Variants in TNFRSF11A observed in about 807,000 individuals in gnomAD.
TNFRSF11A encodes the protein TNF receptor superfamily member 11a.
A neutral mutation model predicts 55.7 loss-of-function variants in TNFRSF11A; 32 were observed. The ratio of observed to expected loss-of-function variants is 0.57; its 90% CI spans 0.43 to 0.77. The LOEUF (loss-of-function observed/expected upper bound fraction) is 0.77. Ranked by LOEUF, TNFRSF11A falls within the 30% of genes least tolerant of loss-of-function variation. The probability of loss-of-function intolerance (pLI) is 0.00; values close to 1 mark genes in which losing one functional copy is unlikely to be tolerated. For synonymous variants in TNFRSF11A, 311 were observed against 331.0 expected (o/e 0.94, Z 0.65); for missense variants, 753 against 809.8 (o/e 0.93, Z 0.85).
intron 1 of TNFRSF11A, among the ~76,000 whole-genome samples, chr18:62,337,235 G>T (rs181930631): frequency 6.6e-6 from 1 of 152,154 alleles, no homozygotes; most frequent in African/African-American, 2.4e-5. Context: ...TGACAAAATG[G>T]TTAATATGGC....
intron 9 of TNFRSF11A, among the ~76,000 whole-genome samples, chr18:62,374,986 C>T (rs1835574328): frequency 6.6e-6 from 1 of 151,868 alleles, no homozygotes; most frequent in South Asian, 2.1e-4. Flanking sequence ...CTCATTGCAG[C>T]CTCCGTCCCC....
At chr18:62,355,422 G>A (rs1209290607) in intron 4 of TNFRSF11A, among the ~76,000 whole-genome samples, 3 of 151,990 alleles carry the variant, frequency 2.0e-5, no homozygotes, top group African/African-American at 4.8e-5. Context: ...GGATTACCGG[G>A]ATGCACCACC....
At chr18:62,333,821 G>C (rs2046190976) in intron 1 of TNFRSF11A, among the ~76,000 whole-genome samples, 1 of 152,122 alleles carries the variant, frequency 6.6e-6, no homozygotes, top group African/African-American at 2.4e-5. Context: ...GCATTTGTGG[G>C]GGTCTGTCTT....
At chr18:62,347,910 A>G (rs1182660821) in intron 1 of TNFRSF11A, among the ~76,000 whole-genome samples, 1 of 151,778 alleles carries the variant, frequency 6.6e-6, no homozygotes, top group Admixed American at 6.6e-5. Context: ...TCTAAAAAAA[A>G]AAACAAAAAA....
chr18:62,374,518 T>G (rs1480991973), intron 9 of TNFRSF11A, among the ~76,000 whole-genome samples: 2 of 152,264 alleles, frequency 1.3e-5, no homozygotes, highest in African/African-American at 4.8e-5. Flanking sequence ...TTTAGTTCTC[T>G]TCCTTGGAAG....
chr18:62,361,869 A>G, intron 7 of TNFRSF11A, 76 bp downstream of exon 7: 1 of 1,311,534 alleles, frequency 7.6e-7, no homozygotes, highest in East Asian at 2.3e-5. Context: ...GAAGTTGAGT[A>G]GATTGTCTAC....
chr18:62,347,636 G>A (rs2046402823), intron 1 of TNFRSF11A, among the ~76,000 whole-genome samples: 2 of 152,272 alleles, frequency 1.3e-5, no homozygotes, highest in South Asian at 4.1e-4. Flanking sequence ...AAGCAGGCCG[G>A]GCGTGGTGGC....
chr18:62,367,115 G>A (rs1281561896), intron 8 of TNFRSF11A, among the ~76,000 whole-genome samples: 1 of 152,232 alleles, frequency 6.6e-6, no homozygotes, highest in Non-Finnish European at 1.5e-5. Context: ...CTCCCAAAGT[G>A]CTGGGATTAT....
rs1909423803 is a variant in TNFRSF11A at position 62,358,282 on chromosome 18, C to T, written c.462C>T (p.Cys154=). The stretch of plus-strand genomic sequence containing the variant: ...ACAAGGACACAGTGTGCAAACCTTG[C>T]CTTGCAGGCTACTTCTCTGATGCCT... The part of the protein sequence containing the change: ...QLNKDTVCKP[C]LAGYFSDAFS... The change falls in exon 5 of 10, where the codon TGC becomes TGT. Residue 154 remains cysteine, a synonymous_variant. Coordinates refer to ENST00000586569, the MANE Select transcript of TNFRSF11A (RefSeq NM_003839.4). 6.2e-7 allele frequency: 1 copy of T among 1,611,372 alleles called. No homozygotes were observed. Among genetic ancestry groups the T allele is most frequent in the Non-Finnish European group, 8.5e-7 (1 of 1,179,138 alleles).
chr18:62,327,159 G>A (rs577464454), intron 1 of TNFRSF11A, among the ~76,000 whole-genome samples: 35 of 152,262 alleles, frequency 2.3e-4, no homozygotes, highest in African/African-American at 7.9e-4. Flanking sequence ...GAGCCTGTGT[G>A]GGCTGGTGTC....
chr18:62,351,234 C>G (rs2046467107), intron 3 of TNFRSF11A, among the ~76,000 whole-genome samples: 1 of 151,938 alleles, frequency 6.6e-6, no homozygotes, highest in Non-Finnish European at 1.5e-5. Context: ...AACTCCTGAC[C>G]TCAAGTGATG....
rs1911453215 is a variant in TNFRSF11A at position 62,383,685 on chromosome 18, T to G, written c.1568-1066T>G. Among the ~76,000 whole-genome samples, 1 of 152,154 alleles carries G rather than the reference T, an allele frequency of 6.6e-6. No homozygotes were observed. Among genetic ancestry groups the G allele is most frequent in the Non-Finnish European group, 1.5e-5 (1 of 68,030 alleles). ...TGCCTAACATTTGTTGGACTTTGTT[T>G]GTTTTTCAAAAGGCCCGTTGCTGAA... is the stretch of plus-strand genomic sequence containing the variant. On this transcript the variant is annotated intron_variant, in intron 9 of 9. Coordinates refer to ENST00000586569, the MANE Select transcript of TNFRSF11A (RefSeq NM_003839.4). The surrounding 1 kb of genome is among the most constrained non-coding windows in gnomAD (Gnocchi z 4.2).
rs1284918303 is a variant in TNFRSF11A at position 62,388,434 on chromosome 18, A to C, written c.*3400A>C. 1.3e-5 allele frequency: 2 copies of C among 152,372 alleles called. No individual in the cohort carries two copies. Among genetic ancestry groups the C allele is most frequent in the African/African-American group, 4.8e-5 (2 of 41,488 alleles). The allele number at this position is 152,372 out of a possible 1,614,324, so 9.4% of individuals were successfully genotyped here. On this transcript the variant is annotated 3_prime_UTR_variant, in exon 10 of 10. Transcript: ENST00000586569. ...CAGATCCAAGGGATGGGGGAGCAGC[A>C]TATCCCCCCATGGGAAGAGTTGCGG... is the stretch of plus-strand genomic sequence containing the variant.
In TNFRSF11A at chr18:62,386,441, C is replaced by T. The variant is rs1295386909; in HGVS notation, c.*1407C>T. 6.6e-6 allele frequency: 1 copy of T among 152,104 alleles called. No homozygotes were observed. Among genetic ancestry groups the T allele is most frequent in the African/African-American group, 2.4e-5 (1 of 41,416 alleles). 9.4% of individuals were successfully genotyped at this position (152,104 alleles called of 1,614,324 possible). ...TGTGAATTTAAGAAAACTTATTATC[C>T]TAAAGGTGCCTTTCTCTTGGCATCA... On this transcript the variant is annotated 3_prime_UTR_variant, in exon 10 of 10. Coordinates refer to ENST00000586569, the MANE Select transcript of TNFRSF11A (RefSeq NM_003839.4).
intron 1 of TNFRSF11A, among the ~76,000 whole-genome samples, chr18:62,340,923 C>T (rs948692044): frequency 3.3e-5 from 5 of 152,264 alleles, no homozygotes; most frequent in African/African-American, 1.2e-4. Context: ...AACACACCAT[C>T]TTGGTAGGCG....
chr18:62,390,011 A>G lies in TNFRSF11A; in HGVS notation c.*4977A>G, dbSNP rs1911934449. 6.6e-6 allele frequency: 1 copy of G among 152,238 alleles called. No individual in the cohort carries two copies. Among genetic ancestry groups the G allele is most frequent in the Non-Finnish European group, 1.5e-5 (1 of 68,044 alleles). 9.4% of individuals were successfully genotyped at this position (152,238 alleles called of 1,614,324 possible). ...GCTGGTTTGAGGATGACGTGAGATG[A>G]GAGACAACCAAGCACTCACTGGCAG... On this transcript the variant is annotated 3_prime_UTR_variant, in exon 10 of 10. Coordinates refer to ENST00000586569, the MANE Select transcript of TNFRSF11A (RefSeq NM_003839.4).
At chr18:62,331,640 CCA>C (rs1335477543) in intron 1 of TNFRSF11A, among the ~76,000 whole-genome samples, 21 of 152,164 alleles carry the variant, frequency 1.4e-4, no homozygotes, top group African/African-American at 4.8e-4. Context: ...CCAGTGATCC[CCA>C]GAGAGTCACA....
At position 62,337,730 on chromosome 18, in the gene TNFRSF11A, G is replaced by A. The variant is rs887702970; in HGVS notation, c.76-10438G>A. On this transcript the variant is annotated intron_variant, in intron 1 of 9. Coordinates refer to ENST00000586569, the MANE Select transcript of TNFRSF11A (RefSeq NM_003839.4). Reference sequence around the variant, plus strand: ...TCACTTTTTTCATGACAATTGTTGCGACCAGATTTCCTTATCTGTTTACTT... The same window carrying A: ...TCACTTTTTTCATGACAATTGTTGCAACCAGATTTCCTTATCTGTTTACTT... Among the ~76,000 whole-genome samples, 20 of 152,090 alleles carry A rather than the reference G, an allele frequency of 1.3e-4. No homozygotes were observed. In the South Asian group the frequency reaches 2.1e-3, roughly 16 times the overall value.
In TNFRSF11A at chr18:62,385,334, C is replaced by A; in HGVS notation, c.*300C>A. The A allele has an allele frequency of 3.4e-6, 1 of 292,328 alleles. No individual in the cohort carries two copies. The allele number at this position is 292,328 out of a possible 1,614,324, so 18.1% of individuals were successfully genotyped here. A position where few individuals can be genotyped will look rare whatever the true frequency, so the allele number is the denominator to read the frequency against. ...CTATGACAGCTATTTTTATGACTAT[C>A]CTGTTCTGTGGGGGGGGGGGTCTGT... On this transcript the variant is annotated 3_prime_UTR_variant, in exon 10 of 10. Transcript: ENST00000586569.
Sources: allele counts gnomAD v4.1 joint callset (sites outside exome capture counted in the v4.1 genomes callset), GRCh38; gene constraint gnomAD v4.1.1; non-coding constraint Gnocchi (gnomAD v3.1); transcripts MANE v1.5; gene names NCBI Gene and HGNC (gene_info 2026-07-23, HGNC 2026-07-21).